Variants in BICC1 observed in about 807,000 individuals in gnomAD.
BICC1 encodes BicC family RNA binding protein 1.
A neutral mutation model predicts 111.0 loss-of-function variants in BICC1; 43 were observed. The ratio of observed to expected loss-of-function variants is 0.39; its 90% confidence interval spans 0.30 to 0.50. BICC1 has a LOEUF of 0.50. Among genes scored for constraint, BICC1 ranks in the 20% least tolerant of loss-of-function variants. BICC1 has a pLI of 0.88. For missense variants in BICC1, 1,091 were observed against 1,203.2 expected, an observed-to-expected ratio of 0.91 and a Z score of 1.38; for synonymous variants, 467 against 434.4, an observed-to-expected ratio of 1.07 and a Z score of -0.93.
chr10:58,571,121 T>G (rs1843935840), intron 1 of BICC1, among the ~76,000 whole-genome samples: 1 of 152,140 alleles, frequency 6.6e-6, no homozygotes, highest in Non-Finnish European at 1.5e-5. Flanking sequence ...AGTTTTCTTA[T>G]TTTTGTTTCA....
intron 3 of BICC1, among the ~76,000 whole-genome samples, chr10:58,728,252 C>A (rs1841174782): frequency 6.6e-6 from 1 of 152,216 alleles, no homozygotes; most frequent in Non-Finnish European, 1.5e-5. Flanking sequence ...TCCTCTGAAA[C>A]TCTGCCACTG....
chr10:58,641,040 G>A (rs1838106718), intron 2 of BICC1, among the ~76,000 whole-genome samples: 1 of 152,086 alleles, frequency 6.6e-6, no homozygotes, highest in Non-Finnish European at 1.5e-5. Flanking sequence ...TCTTTCAATT[G>A]TCTTTATTGG....
At chr10:58,526,676 G>A (rs1480298272) in intron 1 of BICC1, among the ~76,000 whole-genome samples, 1 of 152,168 alleles carries the variant, frequency 6.6e-6, no homozygotes, top group Non-Finnish European at 1.5e-5. Flanking sequence ...AGAACATGCG[G>A]TGTTTGGTTT....
chr10:58,578,123 G>A (rs1338320238), intron 1 of BICC1, among the ~76,000 whole-genome samples: 1 of 152,120 alleles, frequency 6.6e-6, no homozygotes, highest in Non-Finnish European at 1.5e-5. Context: ...AGGTGGGTGG[G>A]GGTAAAGACA....
chr10:58,813,992 C>A lies in BICC1; in HGVS notation c.2533+6C>A. On this transcript the variant is annotated splice_donor_region_variant and intron_variant, in intron 18 of 20. Coordinates refer to ENST00000373886, the MANE Select transcript of BICC1 (RefSeq NM_001080512.3). The stretch of plus-strand genomic sequence containing the variant: ...GCGTAAACAAAACAAATCAAGTGAG[C>A]GTTGTGTTTTATGCACACTTTTAGG... 1 of 1,613,910 alleles carries A rather than the reference C, an allele frequency of 6.2e-7. No individual in the cohort carries two copies. Among genetic ancestry groups the A allele is most frequent in the South Asian group, 1.1e-5 (1 of 91,082 alleles).
chr10:58,758,790 G>A (rs1189962194), intron 3 of BICC1, among the ~76,000 whole-genome samples: 1 of 152,082 alleles, frequency 6.6e-6, no homozygotes, highest in East Asian at 1.9e-4. Context: ...TTAAAGCTCT[G>A]TTAAGTTCTG....
intron 1 of BICC1, among the ~76,000 whole-genome samples, chr10:58,616,207 A>G (rs1845599781): frequency 6.6e-6 from 1 of 152,194 alleles, no homozygotes; most frequent in Non-Finnish European, 1.5e-5. Context: ...GGAGGCTGTT[A>G]GTGAGACCGA....
At chr10:58,618,992 C>G (rs1845711810) in intron 1 of BICC1, among the ~76,000 whole-genome samples, 1 of 145,534 alleles carries the variant, frequency 6.9e-6, no homozygotes, top group Non-Finnish European at 1.5e-5. Context: ...CTGATCTGTC[C>G]TTTGTTGTCA....
chr10:58,676,592 T>C (rs1248761669), intron 2 of BICC1, among the ~76,000 whole-genome samples: 2 of 152,242 alleles, frequency 1.3e-5, no homozygotes, highest in African/African-American at 4.8e-5. Context: ...ACAGAGCACC[T>C]GGGGAAAGGG....
Position 58,828,876 on chromosome 10 carries a change from C to T in BICC1, c.2910C>T (p.Val970=), listed in dbSNP as rs1427019151. 9 of 1,613,864 alleles carry T rather than the reference C, an allele frequency of 5.6e-6. No homozygotes were observed. Among genetic ancestry groups the T allele is most frequent in the Non-Finnish European group, 7.6e-6 (9 of 1,179,830 alleles). The change falls in exon 21 of 21, where the codon GTC becomes GTT. Residue 970 remains valine, a synonymous_variant. Coordinates refer to ENST00000373886, the MANE Select transcript of BICC1 (RefSeq NM_001080512.3). Reference sequence around the variant, plus strand: ...AGTATCACTCAGACATTGCTAGTGTCAGTGGCCGCTGGTAGCAGCACCCTC... The same window carrying T: ...AGTATCACTCAGACATTGCTAGTGTTAGTGGCCGCTGGTAGCAGCACCCTC... ...PRQYHSDIAS[V]SGRW
chr10:58,517,574 T>C (rs1195495081), intron 1 of BICC1, among the ~76,000 whole-genome samples: 1 of 152,218 alleles, frequency 6.6e-6, no homozygotes, highest in Non-Finnish European at 1.5e-5. Flanking sequence ...AAACAGAGTT[T>C]TCTAGCTAAT....
chr10:58,621,904 T>TAGAACAGAGC, intron 2 of BICC1, among the ~76,000 whole-genome samples: 1 of 16,812 alleles, frequency 5.9e-5, no homozygotes, highest in East Asian at 1.5e-3. Flanking sequence ...TCTCTAAAAT[T>TAGAACAGAGC]AGAATAGAAT....
chr10:58,753,976 AT>A (rs1564594182), intron 3 of BICC1, among the ~76,000 whole-genome samples: 2 of 152,114 alleles, frequency 1.3e-5, no homozygotes, highest in Admixed American at 6.6e-5. Flanking sequence ...ATAGGACTTA[AT>A]TTTTGTGTTT....
chr10:58,760,046 A>G (rs1842267144), intron 3 of BICC1, among the ~76,000 whole-genome samples: 1 of 151,994 alleles, frequency 6.6e-6, no homozygotes. Context: ...GCAATGTGAC[A>G]CGATGTTAGC....
intron 2 of BICC1, among the ~76,000 whole-genome samples, chr10:58,689,007 A>G (rs1589024649): frequency 6.6e-6 from 1 of 152,208 alleles, no homozygotes. Flanking sequence ...CTGCACATGT[A>G]TCCCAGAACT....
chr10:58,773,309 A>G (rs1359921247), intron 3 of BICC1, among the ~76,000 whole-genome samples: 1 of 152,178 alleles, frequency 6.6e-6, no homozygotes, highest in Non-Finnish European at 1.5e-5. Flanking sequence ...ACCCCTGCCC[A>G]CACACTTTCT....
Position 58,828,757 on chromosome 10 carries a change from C to A in BICC1, c.2795-4C>A. 2 of 1,613,120 alleles carry A rather than the reference C, an allele frequency of 1.2e-6. No homozygotes were observed. Among genetic ancestry groups the A allele is most frequent in the Non-Finnish European group, 1.7e-6 (2 of 1,179,428 alleles). On this transcript the variant is annotated splice_polypyrimidine_tract_variant and splice_region_variant and intron_variant, in intron 20 of 20. Transcript: ENST00000373886. ...TCCTAACAATTCTCTCTTTCTCTCT[C>A]TAGAACTAAATAAAAACCGAAGAAA...
intron 3 of BICC1, among the ~76,000 whole-genome samples, chr10:58,742,932 T>A (rs1841715670): frequency 6.6e-6 from 1 of 152,220 alleles, no homozygotes; most frequent in Non-Finnish European, 1.5e-5. Context: ...CCTTAAATGA[T>A]CAATAGTATC....
chr10:58,819,713 C>G (rs1267926047), intron 19 of BICC1, among the ~76,000 whole-genome samples: 1 of 152,156 alleles, frequency 6.6e-6, no homozygotes, highest in Non-Finnish European at 1.5e-5. Flanking sequence ...ATGGCAGAGT[C>G]AGGATCGAAC....
Sources: allele counts gnomAD v4.1 joint callset (sites outside exome capture counted in the v4.1 genomes callset), GRCh38; gene constraint gnomAD v4.1.1; transcripts MANE v1.5; gene names NCBI Gene and HGNC (gene_info 2026-07-23, HGNC 2026-07-21).